Variants in TBC1D16 observed in about 807,000 individuals in gnomAD.
TBC1D16 encodes CTD-2529O21.1.
A neutral mutation model predicts 74.7 loss-of-function variants in TBC1D16; 58 were observed. That is an observed-to-expected ratio of 0.78 (90% CI 0.63 to 0.97). TBC1D16 has a LOEUF of 0.97. TBC1D16 is among the 50% of genes least tolerant of loss of function. The pLI is 0.00. For synonymous variants in TBC1D16, 493 were observed against 474.7 expected, an observed-to-expected ratio of 1.04 and a Z score of -0.50; for missense variants, 1,014 against 1,079.5, an observed-to-expected ratio of 0.94 and a Z score of 0.85.
intron 3 of TBC1D16, among the ~76,000 whole-genome samples, chr17:79,970,960 G>A (rs556734079): frequency 1.2e-3 from 180 of 150,564 alleles, no homozygotes; most frequent in Middle Eastern, 6.8e-3. Flanking sequence ...TCCTCCCAGT[G>A]TGGGAATGGA....
At chr17:80,014,856 G>C (rs1270095682) in intron 1 of TBC1D16, among the ~76,000 whole-genome samples, 1 of 152,186 alleles carries the variant, frequency 6.6e-6, no homozygotes, top group African/African-American at 2.4e-5. Context: ...TCAGCACTGG[G>C]TCAGAGAACT....
rs746214829 is a variant in TBC1D16, at chr17:79,949,779, C to T, written c.1344G>A (p.Ser448=). 1 of 1,613,726 alleles carries T rather than the reference C, an allele frequency of 6.2e-7. No homozygotes were observed. Among genetic ancestry groups the T allele is most frequent in the Admixed American group, 1.7e-5 (1 of 60,028 alleles). ...GCAGCCGCAGCGCCTCCCGCTCCTC[C>T]GACGTGGACTCGTGGCTGTAATAGC... The part of the protein sequence containing the change: ...LLRYYSHEST[S]EEREALRLQK... Residue 448 remains serine, a synonymous_variant, in exon 7 of 12, where the codon TCG becomes TCA. Transcript: ENST00000310924.
At chr17:79,949,127 G>GGCT in intron 7 of TBC1D16, 121 bp from the exon 8 acceptor site, 1 of 1,282,728 alleles carries the variant, frequency 7.8e-7, no homozygotes, top group Non-Finnish European at 1.1e-6. Context: ...GGAGCTGGGC[G>GGCT]GCTGCTGCCG....
Position 79,987,597 on chromosome 17 carries a change from G to A in TBC1D16, c.779+22563C>T, listed in dbSNP as rs1043546097. 3.9e-5 allele frequency among the ~76,000 whole-genome samples: 6 copies of A among 152,112 alleles called. No homozygotes were observed. The highest frequency in any genetic ancestry group is 8.8e-5 in the Non-Finnish European group (6 of 68,020). ...ACAGAAGTTTGCCTGGTGACCAGGA[G>A]TCATGACTCTTTCCGAATGAAGGTG... is the stretch of plus-strand genomic sequence containing the variant. On this transcript the variant is annotated intron_variant, in intron 3 of 11. Transcript: ENST00000310924. The surrounding 1 kb of genome is among the most constrained non-coding windows in gnomAD (Gnocchi z 5.2).
In TBC1D16 at chr17:79,975,086, G is replaced by A. The variant is rs1184398703; in HGVS notation, c.780-22268C>T. On this transcript the variant is annotated intron_variant, in intron 3 of 11. Coordinates refer to ENST00000310924, the MANE Select transcript of TBC1D16 (RefSeq NM_019020.4). The surrounding 1 kb of genome is among the most constrained non-coding windows in gnomAD (Gnocchi z 4.5). ...CATGCCGTCCCCACTGCCAGTGGGC[G>A]CAACGTTACTTGCAAGGCCACAAAC... Among the ~76,000 whole-genome samples the A allele has an allele frequency of 1.3e-5, 2 of 152,198 alleles. No homozygotes were observed. The highest frequency in any genetic ancestry group is 1.3e-4 in the Admixed American group (2 of 15,278).
At chr17:80,002,666 C>T (rs1488429821) in intron 3 of TBC1D16, among the ~76,000 whole-genome samples, 2 of 152,250 alleles carry the variant, frequency 1.3e-5, no homozygotes, top group Non-Finnish European at 2.9e-5. Context: ...AGGAACATTC[C>T]GTCCAGACCT....
rs2034922845 is a variant in TBC1D16 at position 79,988,303 on chromosome 17, G to A, written c.779+21857C>T. Reference sequence around the variant, plus strand: ...AAGTCACAGAGCAAAACAACACGCTGAACAAACACCACCACCCTGAAAAGT... The same window carrying A: ...AAGTCACAGAGCAAAACAACACGCTAAACAAACACCACCACCCTGAAAAGT... On this transcript the variant is annotated intron_variant, in intron 3 of 11. Coordinates refer to ENST00000310924, the MANE Select transcript of TBC1D16 (RefSeq NM_019020.4). This position sits in a 1 kb window ranked among gnomAD's most constrained non-coding sequence, Gnocchi z 5.7. Among the ~76,000 whole-genome samples, 2 of 152,344 alleles carry A rather than the reference G, an allele frequency of 1.3e-5. No individual in the cohort carries two copies. The highest frequency in any genetic ancestry group is 2.1e-4 in the South Asian group (1 of 4,828).
rs781482262 is a variant in TBC1D16 at position 79,947,671 on chromosome 17, G to A, written c.1702C>T (p.Arg568Trp). Residue 568 changes from arginine to tryptophan, a missense_variant, in exon 9 of 12, where the codon CGG (arginine) becomes TGG (tryptophan). Arg to Trp is a moderately radical substitution (Grantham distance 101). Coordinates refer to ENST00000310924, the MANE Select transcript of TBC1D16 (RefSeq NM_019020.4). ...MQNTIFVSSP[R>W]DEDMEKQLLY... ...AGTTGTTTCTCCATGTCCTCGTCCC[G>A]GGGTGAGCTGACGAAGATCGTGTTC... 14 of 1,613,954 alleles carry A rather than the reference G, an allele frequency of 8.7e-6. No homozygotes were observed. Among genetic ancestry groups the A allele is most frequent in the South Asian group, 5.5e-5 (5 of 91,084 alleles).
At chr17:79,945,236 C>T in intron 9 of TBC1D16, 149 bp from the exon 10 acceptor site, 2 of 812,786 alleles carry the variant, frequency 2.5e-6, no homozygotes, top group Non-Finnish European at 3.8e-6. Context: ...TGCCTGCCCC[C>T]CCAACGCTCC....
Position 80,007,254 on chromosome 17 carries a change from C to A in TBC1D16, c.779+2906G>T, listed in dbSNP as rs567100880. Reference sequence around the variant, plus strand: ...AGGGCCGGGCTGTGGTAAGCACCCCCCAGCACGGTCTCCGGGTGGGGACGA... The same window carrying A: ...AGGGCCGGGCTGTGGTAAGCACCCCACAGCACGGTCTCCGGGTGGGGACGA... On this transcript the variant is annotated intron_variant, in intron 3 of 11. Transcript: ENST00000310924. The surrounding 1 kb of genome is among the most constrained non-coding windows in gnomAD (Gnocchi z 4.5). Among the ~76,000 whole-genome samples the A allele has an allele frequency of 3.1e-4, 47 of 152,308 alleles. No individual in the cohort carries two copies. The highest frequency in any genetic ancestry group is 1.1e-3 in the African/African-American group (45 of 41,574).
chr17:80,027,076 C>T (rs145063504), intron 1 of TBC1D16, among the ~76,000 whole-genome samples: 2 of 152,146 alleles, frequency 1.3e-5, no homozygotes. Flanking sequence ...CAGAGTTCAT[C>T]AAAATCAAAA....
intron 3 of TBC1D16, among the ~76,000 whole-genome samples, chr17:79,997,623 G>T (rs188945248): frequency 5.3e-4 from 81 of 152,298 alleles, no homozygotes; most frequent in Admixed American, 1.5e-3. Context: ...AGAGTACAGC[G>T]AGTTTCCCCT....
intron 8 of TBC1D16, 86 bp downstream of exon 8, chr17:79,948,786 C>T: frequency 3.8e-6 from 6 of 1,566,016 alleles, no homozygotes; most frequent in South Asian, 3.4e-5. Flanking sequence ...TGCAGAAACT[C>T]GCTGGGGGCT....
chr17:79,985,276 C>G lies in TBC1D16; in HGVS notation c.779+24884G>C, dbSNP rs1474738000. Among the ~76,000 whole-genome samples the G allele has an allele frequency of 6.6e-6, 1 of 152,144 alleles. No individual in the cohort carries two copies. The highest frequency in any genetic ancestry group is 1.5e-5 in the Non-Finnish European group (1 of 68,026). ...AGACATCCGTTGGATTTAGGGCCAC[C>G]CTAATCCAGGAAGACCTCAACTGGA... On this transcript the variant is annotated intron_variant, in intron 3 of 11. Coordinates refer to ENST00000310924, the MANE Select transcript of TBC1D16 (RefSeq NM_019020.4). The surrounding 1 kb of genome is among the most constrained non-coding windows in gnomAD (Gnocchi z 4.9).
Position 79,993,337 on chromosome 17 carries a change from C to A in TBC1D16, c.779+16823G>T, listed in dbSNP as rs1239945677. ...TCCAGAAGTGTGGCTGAGTGTCTGT[C>A]TGTTCTTGATGGTCAGGGAACCTTA... On this transcript the variant is annotated intron_variant, in intron 3 of 11. Coordinates refer to ENST00000310924, the MANE Select transcript of TBC1D16 (RefSeq NM_019020.4). The surrounding 1 kb of genome is among the most constrained non-coding windows in gnomAD (Gnocchi z 5.1). Among the ~76,000 whole-genome samples, 3 of 152,218 alleles carry A rather than the reference C, an allele frequency of 2.0e-5. No homozygotes were observed. The highest frequency in any genetic ancestry group is 2.9e-5 in the Non-Finnish European group (2 of 68,046).
rs772889873 is a variant in TBC1D16 at position 80,035,099 on chromosome 17, G to A, written c.-63+696C>T. On this transcript the variant is annotated intron_variant, in intron 1 of 11. Transcript: ENST00000310924. The surrounding 1 kb of genome is among the most constrained non-coding windows in gnomAD (Gnocchi z 5.3). ...CTGAACTACTTTGTGGCCAATATACGACACCAGCTTCCGAGTGTGGGAATC... is the reference window on the plus strand; with the variant it reads ...CTGAACTACTTTGTGGCCAATATACAACACCAGCTTCCGAGTGTGGGAATC... Among the ~76,000 whole-genome samples, 1 of 152,160 alleles carries A rather than the reference G, an allele frequency of 6.6e-6. No individual in the cohort carries two copies.
At chr17:79,977,033 G>A (rs530829438) in intron 3 of TBC1D16, among the ~76,000 whole-genome samples, 2 of 152,346 alleles carry the variant, frequency 1.3e-5, no homozygotes, top group Non-Finnish European at 2.9e-5. Context: ...TCTGGCAGGA[G>A]GAAGGGAGGA....
rs1195673876 is a variant in TBC1D16 at position 80,001,699 on chromosome 17, C to T, written c.779+8461G>A. On this transcript the variant is annotated intron_variant, in intron 3 of 11. Coordinates refer to ENST00000310924, the MANE Select transcript of TBC1D16 (RefSeq NM_019020.4). The surrounding 1 kb of genome is among the most constrained non-coding windows in gnomAD (Gnocchi z 5.8). ...TTGTCCCTCCCCTGGGTGGCGGCAG[C>T]TCCTGGATATCTGTGCTGCACCTGC... Among the ~76,000 whole-genome samples the T allele has an allele frequency of 2.0e-5, 3 of 152,100 alleles. No individual in the cohort carries two copies. Among genetic ancestry groups the T allele is most frequent in the African/African-American group, 7.2e-5 (3 of 41,404 alleles).
intron 1 of TBC1D16, among the ~76,000 whole-genome samples, chr17:80,033,801 G>A (rs1413066844): frequency 1.3e-5 from 2 of 152,220 alleles, no homozygotes; most frequent in Non-Finnish European, 2.9e-5. Flanking sequence ...TGAAGCCTGG[G>A]GGATGCTTTC....
Sources: allele counts gnomAD v4.1 joint callset (sites outside exome capture counted in the v4.1 genomes callset), GRCh38; gene constraint gnomAD v4.1.1; non-coding constraint Gnocchi (gnomAD v3.1); transcripts MANE v1.5; gene names NCBI Gene and HGNC (gene_info 2026-07-23, HGNC 2026-07-21).